LINGO2: variants seen among roughly 807,000 people sequenced by gnomAD.
LINGO2 encodes leucine-rich repeat and immunoglobulin-like domain-containing nogo receptor-interacting protein 2.
Under a neutral mutation model 30.6 loss-of-function variants are expected in LINGO2, and 14 were observed. The observed-to-expected ratio is 0.46, with a 90% CI of 0.30 to 0.72. The LOEUF (loss-of-function observed/expected upper bound fraction) is 0.72. Among genes scored for constraint, LINGO2 ranks in the 30% least tolerant of loss-of-function variants. The pLI is 0.07. For synonymous variants in LINGO2, 317 were observed against 288.5 expected, an observed-to-expected ratio of 1.10 and a Z score of -1.00; for missense variants, 729 against 751.7, an observed-to-expected ratio of 0.97 and a Z score of 0.35.
chr9:28,757,924 A>G, the LINGO2 span, among the ~76,000 whole-genome samples: 2 of 152,038 alleles, frequency 1.3e-5, no homozygotes, highest in South Asian at 4.1e-4. Context: ...CCTGGGCTAT[A>G]ACCATCAATG....
At chr9:28,441,730 C>T (rs995254871) in intron 2 of LINGO2, among the ~76,000 whole-genome samples, 2 of 152,228 alleles carry the variant, frequency 1.3e-5, no homozygotes, top group South Asian at 2.1e-4. Context: ...AAGAAAATAA[C>T]ATATTATCCT....
intron 1 of LINGO2, among the ~76,000 whole-genome samples, chr9:28,491,260 C>G (rs888946679): frequency 6.6e-6 from 1 of 152,200 alleles, no homozygotes; most frequent in Non-Finnish European, 1.5e-5. Flanking sequence ...TATTCCTTGT[C>G]TCTTGCAGCT....
At chr9:28,362,060 A>G (rs534220244) in intron 3 of LINGO2, among the ~76,000 whole-genome samples, 4 of 152,354 alleles carry the variant, frequency 2.6e-5, no homozygotes, top group South Asian at 4.1e-4. Flanking sequence ...TTGCTAAAAC[A>G]TACAGATTCC....
intron 4 of LINGO2, among the ~76,000 whole-genome samples, chr9:28,118,854 G>C (rs1272377964): frequency 1.3e-5 from 2 of 152,050 alleles, no homozygotes; most frequent in Non-Finnish European, 2.9e-5. Context: ...AATGATCCTT[G>C]CCATGAATAA....
intron 2 of LINGO2, among the ~76,000 whole-genome samples, chr9:28,463,099 T>G (rs1429010045): frequency 6.7e-6 from 1 of 149,122 alleles, no homozygotes; most frequent in Non-Finnish European, 1.5e-5. Flanking sequence ...TTAATAGCGC[T>G]TTTTTTTTTC....
At chr9:28,717,334 C>A in the LINGO2 span, among the ~76,000 whole-genome samples, 5 of 139,754 alleles carry the variant, frequency 3.6e-5, no homozygotes, top group East Asian at 6.2e-4. Context: ...ATTAAAGAGA[C>A]CCTAATCTAA....
At chr9:27,940,156 T>A in the LINGO2 span, 1 of 152,118 alleles carries the variant, frequency 6.6e-6, no homozygotes, top group Non-Finnish European at 1.5e-5. Flanking sequence ...TTTTCTTATT[T>A]TTTTCCCCAG....
intron 1 of LINGO2, among the ~76,000 whole-genome samples, chr9:28,531,757 G>A (rs534570256): frequency 1.5e-3 from 235 of 151,964 alleles, no homozygotes; most frequent in Non-Finnish European, 3.0e-3. Context: ...ATTTACTAAA[G>A]GCCAGCTTTT....
intron 5 of LINGO2, among the ~76,000 whole-genome samples, chr9:28,006,521 C>A (rs1304430532): frequency 6.6e-6 from 1 of 151,982 alleles, no homozygotes; most frequent in Non-Finnish European, 1.5e-5. Context: ...AAAAATAGAA[C>A]AGAAGCTCAA....
chr9:28,636,654 C>T (rs553440015), intron 1 of LINGO2, among the ~76,000 whole-genome samples: 2 of 152,038 alleles, frequency 1.3e-5, no homozygotes, highest in African/African-American at 4.8e-5. Context: ...TATCCTTTGC[C>T]CACTTGTTGA....
At chr9:28,045,203 T>G (rs1434289807) in intron 4 of LINGO2, among the ~76,000 whole-genome samples, 1 of 152,064 alleles carries the variant, frequency 6.6e-6, no homozygotes, top group African/African-American at 2.4e-5. Context: ...AACTACAGAT[T>G]GTCTTGTAAA....
At chr9:28,952,033 G>A in the LINGO2 span, among the ~76,000 whole-genome samples, 1 of 152,022 alleles carries the variant, frequency 6.6e-6, no homozygotes, top group Non-Finnish European at 1.5e-5. Context: ...TTATTAAAAA[G>A]GGTCTCTGAC....
At chr9:28,097,145 A>C (rs950975320) in intron 4 of LINGO2, among the ~76,000 whole-genome samples, 2 of 152,170 alleles carry the variant, frequency 1.3e-5, no homozygotes, top group Non-Finnish European at 2.9e-5. Flanking sequence ...ATACCATCTC[A>C]CACCAATTAG....
intron 3 of LINGO2, among the ~76,000 whole-genome samples, chr9:28,334,015 A>G (rs1340111615): frequency 6.6e-6 from 1 of 152,194 alleles, no homozygotes; most frequent in African/African-American, 2.4e-5. Flanking sequence ...ACGCTGATTT[A>G]TATTTCAGAT....
chr9:28,644,098 G>A (rs998952146), intron 1 of LINGO2, among the ~76,000 whole-genome samples: 2 of 151,938 alleles, frequency 1.3e-5, no homozygotes, highest in Non-Finnish European at 2.9e-5. Context: ...GTGTAAATTA[G>A]CACAATCACT....
the LINGO2 span, among the ~76,000 whole-genome samples, chr9:28,900,928 G>A: frequency 2.6e-5 from 4 of 151,970 alleles, no homozygotes; most frequent in African/African-American, 4.8e-5. Flanking sequence ...AATAAGTGAC[G>A]AAAGTAAGAA....
intron 4 of LINGO2, among the ~76,000 whole-genome samples, chr9:28,282,292 G>T (rs927374969): frequency 2.0e-5 from 3 of 152,108 alleles, no homozygotes; most frequent in African/African-American, 7.2e-5. Context: ...CTGATACAAT[G>T]ATAAGTGAGG....
intron 3 of LINGO2, among the ~76,000 whole-genome samples, chr9:28,315,712 T>A (rs1414056854): frequency 6.6e-6 from 1 of 152,174 alleles, no homozygotes; most frequent in African/African-American, 2.4e-5. Context: ...ACTCCCAGCA[T>A]ACATGAGAAC....
intron 5 of LINGO2, among the ~76,000 whole-genome samples, chr9:28,003,685 T>C (rs1232144785): frequency 6.6e-6 from 1 of 152,164 alleles, no homozygotes; most frequent in Non-Finnish European, 1.5e-5. Flanking sequence ...ATGGTCTCGA[T>C]CTCCTGACCT....
Sources: allele counts gnomAD v4.1 joint callset (sites outside exome capture counted in the v4.1 genomes callset), GRCh38; gene constraint gnomAD v4.1.1; transcripts MANE v1.5; gene names NCBI Gene and HGNC (gene_info 2026-07-23, HGNC 2026-07-21).